The following ODR4 variants were observed in gnomAD, a reference collection of about 807,000 sequenced individuals.
ODR4 encodes protein odr-4 homolog.
Under a neutral mutation model 60.2 loss-of-function variants are expected in ODR4, and 47 were observed. The ratio of observed to expected loss-of-function variants is 0.78; its 90% CI spans 0.62 to 1.00. The LOEUF is 1.00. Ranked by LOEUF, ODR4 falls within the 50% of genes least tolerant of loss-of-function variation. ODR4 has a pLI of 0.00. For missense variants in ODR4, 488 were observed against 530.8 expected (o/e 0.92, Z 0.79); for synonymous variants, 178 against 175.5 (o/e 1.01, Z -0.11).
chr1:186,391,408 T>C (rs752361128), intron 7 of ODR4, among the ~76,000 whole-genome samples: 9 of 151,624 alleles, frequency 5.9e-5, no homozygotes, highest in Non-Finnish European at 1.2e-4. Context: ...TTTAAGGTAG[T>C]GGGCATTAAA....
intron 12 of ODR4, among the ~76,000 whole-genome samples, chr1:186,408,387 C>A (rs1173058452): frequency 6.6e-6 from 1 of 151,870 alleles, no homozygotes; most frequent in East Asian, 1.9e-4. Context: ...TAAACATTTT[C>A]AAGTGTAAAT....
At chr1:186,410,550 G>A (rs993911786) in intron 12 of ODR4, among the ~76,000 whole-genome samples, 10 of 152,176 alleles carry the variant, frequency 6.6e-5, no homozygotes, top group Non-Finnish European at 1.2e-4. Context: ...GATTAGTTAT[G>A]CAGAGAATGT....
chr1:186,382,441 TAC>T (rs796113394), intron 2 of ODR4, among the ~76,000 whole-genome samples: 2 of 150,934 alleles, frequency 1.3e-5, no homozygotes, highest in African/African-American at 2.4e-5. Context: ...AATAAATAAA[TAC>T]ACACACACAC....
chr1:186,426,248 CAACA>C (rs755790546), downstream of ODR4, among the ~76,000 whole-genome samples: 4 of 152,192 alleles, frequency 2.6e-5, no homozygotes, highest in Non-Finnish European at 4.4e-5. Flanking sequence ...TTTTGCTCCA[CAACA>C]AACAACCTCA....
chr1:186,381,632 C>T (rs1571659015), intron 2 of ODR4, among the ~76,000 whole-genome samples: 1 of 151,982 alleles, frequency 6.6e-6, no homozygotes, highest in Admixed American at 6.5e-5. Flanking sequence ...CGGCCTAAGG[C>T]CTTCCTTCTA....
intron 12 of ODR4, chr1:186,411,803 G>A (rs1395620360): frequency 1.0e-5 from 9 of 902,966 alleles, no homozygotes; most frequent in Non-Finnish European, 1.2e-5. Flanking sequence ...TCTTTTTTAT[G>A]CTGACAGTCT....
At chr1:186,408,177 A>C (rs1661239678) in intron 12 of ODR4, among the ~76,000 whole-genome samples, 1 of 152,176 alleles carries the variant, frequency 6.6e-6, no homozygotes. Context: ...CAGAAAGGCC[A>C]GGTAACTTTT....
intron 12 of ODR4, among the ~76,000 whole-genome samples, chr1:186,409,244 G>A (rs994520263): frequency 3.3e-5 from 5 of 149,954 alleles, no homozygotes; most frequent in African/African-American, 1.2e-4. Context: ...GTATTCCTAA[G>A]AGGTAACTAT....
chr1:186,402,586 T>C (rs973190494), intron 11 of ODR4, among the ~76,000 whole-genome samples: 10 of 151,456 alleles, frequency 6.6e-5, no homozygotes, highest in Non-Finnish European at 7.4e-5. Context: ...TTTTTAACTT[T>C]TTTGTAGAGA....
intron 3 of ODR4, among the ~76,000 whole-genome samples, chr1:186,383,756 TA>T (rs35781318): frequency 1.4e-4 from 21 of 148,664 alleles, no homozygotes; most frequent in Admixed American, 6.0e-4. Flanking sequence ...TAGTTATATT[TA>T]AAAAAAAAAT....
chr1:186,423,175 G>T (rs1286178122), downstream of ODR4, among the ~76,000 whole-genome samples: 1 of 152,050 alleles, frequency 6.6e-6, no homozygotes, highest in Non-Finnish European at 1.5e-5. Context: ...TTCAAGGGGG[G>T]TAAAATTCTA....
At chr1:186,390,015 A>T (rs1351853691) in intron 6 of ODR4, among the ~76,000 whole-genome samples, 3 of 151,914 alleles carry the variant, frequency 2.0e-5, no homozygotes, top group Admixed American at 6.6e-5. Flanking sequence ...CATGTTAGTT[A>T]TGTTTGTCTT....
intron 12 of ODR4, among the ~76,000 whole-genome samples, chr1:186,408,167 C>T (rs560500774): frequency 2.6e-4 from 40 of 152,198 alleles, no homozygotes; most frequent in African/African-American, 9.6e-4. Flanking sequence ...AATTAAGGCT[C>T]AGAAAGGCCA....
chr1:186,400,305 T>G (rs1660886207), intron 11 of ODR4, among the ~76,000 whole-genome samples: 2 of 150,128 alleles, frequency 1.3e-5, no homozygotes, highest in Admixed American at 1.3e-4. Flanking sequence ...ATTCTTATTA[T>G]TCTGATGTTA....
At chr1:186,393,892 C>A (rs1660564916) in intron 8 of ODR4, 55 bp from the exon 9 acceptor site, 2 of 937,208 alleles carry the variant, frequency 2.1e-6, no homozygotes, top group Non-Finnish European at 3.3e-6. Flanking sequence ...TATAAGTTGT[C>A]TTTTATGTTT....
At chr1:186,381,365 C>T (rs1184177658) in intron 2 of ODR4, among the ~76,000 whole-genome samples, 6 of 148,814 alleles carry the variant, frequency 4.0e-5, no homozygotes, top group East Asian at 2.0e-4. Context: ...GTCTCGCTGT[C>T]GCCCAGGCTG....
In ODR4 at chr1:186,417,591, G is replaced by A; in HGVS notation, c.1234G>A (p.Asp412Asn). Reference sequence around the variant, plus strand: ...TAGTCAAGCTTCATTGGACAACACAGATGATGAACAACCAAAACAACCAAT... The same window carrying A: ...TAGTCAAGCTTCATTGGACAACACAAATGATGAACAACCAAAACAACCAAT... ...MNSQASLDNT[D>N]DEQPKQPIKT... Residue 412 changes from aspartate (D) to asparagine (N), a missense_variant, in exon 13 of 14, where the codon GAT (aspartate) becomes AAT (asparagine). By Grantham distance (23) the Asp-to-Asn change is conservative. Coordinates refer to ENST00000287859, the MANE Select transcript of ODR4 (RefSeq NM_017847.6). 1.2e-6 allele frequency: 2 copies of A among 1,603,836 alleles called. No homozygotes were observed. Among genetic ancestry groups the A allele is most frequent in the South Asian group, 1.1e-5 (1 of 89,354 alleles).
chr1:186,391,651 G>C, intron 7 of ODR4, 45 bp from the exon 8 acceptor site: 1 of 1,203,764 alleles, frequency 8.3e-7, no homozygotes, highest in Non-Finnish European at 1.2e-6. Context: ...GTTTAATTGA[G>C]ATGGCATTGT....
intron 8 of ODR4, 109 bp from the exon 9 acceptor site, chr1:186,393,838 A>T: frequency 1.6e-6 from 1 of 644,496 alleles, no homozygotes; most frequent in Non-Finnish European, 2.7e-6. Context: ...AAATAATTAA[A>T]AGACTTGTTT....
Sources: allele counts gnomAD v4.1 joint callset (sites outside exome capture counted in the v4.1 genomes callset), GRCh38; gene constraint gnomAD v4.1.1; transcripts MANE v1.5; gene names NCBI Gene and HGNC (gene_info 2026-07-23, HGNC 2026-07-21).